Variants in NOX4 observed in about 807,000 individuals in gnomAD.
The protein encoded by NOX4 is kidney oxidase-1.
NOX4 carries 69 observed loss-of-function variants against 87.6 expected under a neutral mutation model. That is an observed-to-expected ratio of 0.79 (90% CI 0.65 to 0.96). The LOEUF is 0.96. NOX4 is among the 40% of genes least tolerant of loss of function. NOX4 has a pLI of 0.00. For missense variants in NOX4, 680 were observed against 681.5 expected (o/e 1.00, Z 0.02); for synonymous variants, 275 against 238.2 (o/e 1.15, Z -1.42).
At chr11:89,350,143 C>T (rs976813388) in intron 13 of NOX4, among the ~76,000 whole-genome samples, 4 of 152,124 alleles carry the variant, frequency 2.6e-5, no homozygotes, top group African/African-American at 9.7e-5. Flanking sequence ...ACAATTACAT[C>T]CTGATGAGAA....
chr11:89,375,041 AG>A (rs1939734760), intron 11 of NOX4, among the ~76,000 whole-genome samples: 2 of 152,162 alleles, frequency 1.3e-5, no homozygotes. Flanking sequence ...ATATAAAGGT[AG>A]GTATTTGTCA....
intron 3 of NOX4, among the ~76,000 whole-genome samples, chr11:89,450,449 C>A (rs1015260667): frequency 1.3e-5 from 2 of 152,152 alleles, no homozygotes; most frequent in South Asian, 4.1e-4. Flanking sequence ...CACACACAGT[C>A]ACACATATAC....
At chr11:89,587,279 A>G in the NOX4 span, among the ~76,000 whole-genome samples, 1 of 152,206 alleles carries the variant, frequency 6.6e-6, no homozygotes, top group Non-Finnish European at 1.5e-5. Flanking sequence ...CAAGGAGACT[A>G]TTAAAATGGT....
At chr11:89,338,872 T>C (rs1945846784) in intron 15 of NOX4, among the ~76,000 whole-genome samples, 1 of 152,196 alleles carries the variant, frequency 6.6e-6, no homozygotes, top group Admixed American at 6.6e-5. Flanking sequence ...CTCTACTGTT[T>C]ACGCTGCTTT....
intron 7 of NOX4, among the ~76,000 whole-genome samples, chr11:89,431,508 AAAAC>A (rs1390009442): frequency 6.6e-6 from 1 of 152,190 alleles, no homozygotes; most frequent in African/African-American, 2.4e-5. Context: ...TTACAAGAAA[AAAAC>A]AAACAACCCC....
chr11:89,366,970 A>C (rs1939049737), intron 12 of NOX4, among the ~76,000 whole-genome samples: 1 of 152,154 alleles, frequency 6.6e-6, no homozygotes, highest in Admixed American at 6.6e-5. Flanking sequence ...ATGGGCACTT[A>C]AATTGTAGTA....
chr11:89,420,637 T>C (rs926489412), intron 8 of NOX4, among the ~76,000 whole-genome samples: 2 of 152,148 alleles, frequency 1.3e-5, no homozygotes, highest in South Asian at 2.1e-4. Flanking sequence ...AGTTTGAATA[T>C]GTACCCTGAA....
chr11:89,388,858 T>C (rs1204912688), intron 11 of NOX4, among the ~76,000 whole-genome samples: 2 of 152,182 alleles, frequency 1.3e-5, no homozygotes, highest in African/African-American at 4.8e-5. Flanking sequence ...AATCCACTTA[T>C]GGAGAGTTTA....
intron 11 of NOX4, among the ~76,000 whole-genome samples, chr11:89,387,415 C>T (rs1940793222): frequency 6.6e-6 from 1 of 151,994 alleles, no homozygotes; most frequent in Admixed American, 6.6e-5. Flanking sequence ...CCATTACCTA[C>T]ACAAATCCTA....
intron 6 of NOX4, among the ~76,000 whole-genome samples, chr11:89,437,938 A>G (rs1309635242): frequency 6.6e-6 from 1 of 152,018 alleles, no homozygotes; most frequent in Non-Finnish European, 1.5e-5. Flanking sequence ...AAAGGCAGGC[A>G]GTAGCGAGAC....
intron 11 of NOX4, among the ~76,000 whole-genome samples, chr11:89,396,862 T>A (rs1941529009): frequency 6.6e-6 from 1 of 152,090 alleles, no homozygotes; most frequent in South Asian, 2.1e-4. Flanking sequence ...TCCCACTCAA[T>A]AATAGTGGGA....
At chr11:89,335,641 C>T (rs2135373287) in intron 17 of NOX4, among the ~76,000 whole-genome samples, 1 of 151,906 alleles carries the variant, frequency 6.6e-6, no homozygotes, top group South Asian at 2.1e-4. Context: ...TAGACTATTT[C>T]TAAGCCAAAC....
chr11:89,433,572 C>T (rs550157297), intron 6 of NOX4, among the ~76,000 whole-genome samples: 2 of 152,042 alleles, frequency 1.3e-5, no homozygotes, highest in African/African-American at 4.8e-5. Context: ...GCTTCACTAA[C>T]TAGAATAATT....
intron 7 of NOX4, among the ~76,000 whole-genome samples, chr11:89,430,841 T>C (rs914705802): frequency 6.6e-6 from 1 of 152,112 alleles, no homozygotes; most frequent in African/African-American, 2.4e-5. Context: ...CTTCACAGAA[T>C]TGGAAAAAAC....
chr11:89,550,004 G>T, the NOX4 span, among the ~76,000 whole-genome samples: 1 of 151,990 alleles, frequency 6.6e-6, no homozygotes, highest in African/African-American at 2.4e-5. Flanking sequence ...AATCCTTTGG[G>T]TATATGCCCG....
At chr11:89,418,466 T>G (rs1271207159) in intron 8 of NOX4, among the ~76,000 whole-genome samples, 1 of 128,024 alleles carries the variant, frequency 7.8e-6, no homozygotes, top group Non-Finnish European at 1.8e-5. Flanking sequence ...AATAATAAAT[T>G]TACAGGGTTG....
At chr11:89,358,778 T>C (rs1467360303) in intron 12 of NOX4, among the ~76,000 whole-genome samples, 1 of 151,780 alleles carries the variant, frequency 6.6e-6, no homozygotes, top group African/African-American at 2.4e-5. Context: ...AAAAAAGATA[T>C]ATTAATGCTA....
intron 13 of NOX4, among the ~76,000 whole-genome samples, chr11:89,347,262 C>T (rs373883034): frequency 5.9e-5 from 9 of 152,294 alleles, no homozygotes; most frequent in African/African-American, 1.2e-4. Flanking sequence ...CCAGAGCCAC[C>T]TCTACCAGAC....
intron 7 of NOX4, among the ~76,000 whole-genome samples, chr11:89,423,809 T>C (rs1018625842): frequency 2.0e-5 from 3 of 151,986 alleles, no homozygotes; most frequent in African/African-American, 7.2e-5. Flanking sequence ...AATCCAACAC[T>C]TTGAAAGGCA....
Sources: gnomAD v4.1 joint callset for allele counts (sites outside exome capture counted in the v4.1 genomes callset) on GRCh38, gnomAD v4.1.1 for gene constraint, MANE v1.5 for transcripts, NCBI Gene and HGNC (gene_info 2026-07-23, HGNC 2026-07-21) for gene names.